LRRC28: variants seen among roughly 807,000 people sequenced by gnomAD.
LRRC28 encodes the protein leucine-rich repeat-containing protein 28.
In LRRC28, 39 loss-of-function variants were observed where a neutral mutation model predicts 45.7. That is an observed-to-expected ratio of 0.85 (90% CI 0.66 to 1.12). The LOEUF is 1.12. Ranked by LOEUF, LRRC28 falls within the 50% of genes most tolerant of loss-of-function variation. The pLI, the probability that LRRC28 is intolerant of heterozygous loss-of-function variation, is 0.00. For synonymous variants in LRRC28, 206 were observed against 178.8 expected (o/e 1.15, Z -1.22); for missense variants, 435 against 438.5 (o/e 0.99, Z 0.07).
chr15:99,383,417 G>C (rs1246712404), intron 9 of LRRC28, among the ~76,000 whole-genome samples: 1 of 152,198 alleles, frequency 6.6e-6, no homozygotes, highest in Non-Finnish European at 1.5e-5. Context: ...ATTTTGTCCA[G>C]AGTGTTTCAG....
intron 5 of LRRC28, among the ~76,000 whole-genome samples, chr15:99,312,485 A>G (rs1008418671): frequency 1.3e-5 from 2 of 152,216 alleles, no homozygotes; most frequent in East Asian, 1.9e-4. Flanking sequence ...TTCCTGCACT[A>G]TCTCCTGAAA....
intron 9 of LRRC28, among the ~76,000 whole-genome samples, chr15:99,368,437 T>C (rs1567703118): frequency 6.6e-6 from 1 of 152,194 alleles, no homozygotes; most frequent in Non-Finnish European, 1.5e-5. Flanking sequence ...ATTTTAAGGC[T>C]TAAGAATAAT....
intron 6 of LRRC28, among the ~76,000 whole-genome samples, chr15:99,337,309 T>C (rs1458550300): frequency 6.6e-6 from 1 of 152,226 alleles, no homozygotes; most frequent in Admixed American, 6.5e-5. Flanking sequence ...GGAGTGACGC[T>C]GTGTGTCATG....
intron 3 of LRRC28, chr15:99,285,210 A>G: frequency 1.4e-6 from 1 of 731,382 alleles, no homozygotes; most frequent in Non-Finnish European, 2.5e-6. Context: ...ACTGTTCAAA[A>G]TAATCTTAGG....
At chr15:99,351,983 G>A (rs1372999434) in intron 6 of LRRC28, among the ~76,000 whole-genome samples, 1 of 152,228 alleles carries the variant, frequency 6.6e-6, no homozygotes, top group African/African-American at 2.4e-5. Context: ...TGACCAAATA[G>A]AATTCTTGCT....
chr15:99,359,134 A>G (rs1237342233), intron 7 of LRRC28, among the ~76,000 whole-genome samples: 3 of 152,176 alleles, frequency 2.0e-5, no homozygotes, highest in African/African-American at 7.2e-5. Flanking sequence ...CTTTAGGATA[A>G]TATATGCACA....
intron 2 of LRRC28, chr15:99,259,399 A>G: frequency 6.4e-7 from 1 of 1,550,886 alleles, no homozygotes; most frequent in Non-Finnish European, 8.9e-7. Context: ...CCAAGGAAGG[A>G]GTGAAGTTTG....
At chr15:99,352,053 A>G (rs1387408454) in intron 6 of LRRC28, among the ~76,000 whole-genome samples, 2 of 152,204 alleles carry the variant, frequency 1.3e-5, no homozygotes, top group African/African-American at 2.4e-5. Context: ...ACCCAATCAG[A>G]TATCCCAAGT....
chr15:99,345,772 A>G (rs941855492), intron 6 of LRRC28, among the ~76,000 whole-genome samples: 2 of 152,204 alleles, frequency 1.3e-5, no homozygotes, highest in African/African-American at 4.8e-5. Context: ...AACATATTGT[A>G]TGGTGATTTA....
At chr15:99,298,567 T>C (rs2082323329) in intron 5 of LRRC28, among the ~76,000 whole-genome samples, 2 of 152,200 alleles carry the variant, frequency 1.3e-5, no homozygotes, top group African/African-American at 4.8e-5. Flanking sequence ...AAGCCTATAA[T>C]GAGTTCATAA....
chr15:99,274,068 A>T (rs12902590), intron 2 of LRRC28, among the ~76,000 whole-genome samples: 14,573 of 152,280 alleles, frequency 0.096, 989 homozygotes, highest in East Asian at 0.32. Context: ...ATGACTAGTT[A>T]TGATGGATCT....
intron 5 of LRRC28, among the ~76,000 whole-genome samples, chr15:99,316,491 G>A (rs35228696): frequency 1.4e-3 from 217 of 152,242 alleles, no homozygotes; most frequent in Non-Finnish European, 2.5e-3. Context: ...TAGGGAATAA[G>A]GAAAGTCATT....
At chr15:99,378,148 C>T (rs1375083652) in intron 9 of LRRC28, among the ~76,000 whole-genome samples, 1 of 152,168 alleles carries the variant, frequency 6.6e-6, no homozygotes, top group African/African-American at 2.4e-5. Context: ...TGGCCATTTT[C>T]ATGATATTGA....
chr15:99,357,989 A>T (rs1215903985), intron 7 of LRRC28, among the ~76,000 whole-genome samples: 10 of 152,184 alleles, frequency 6.6e-5, no homozygotes, highest in Admixed American at 6.5e-5. Context: ...AATAGACATT[A>T]TAAATACTGG....
chr15:99,302,091 A>G (rs2152245273), intron 5 of LRRC28, among the ~76,000 whole-genome samples: 1 of 150,240 alleles, frequency 6.7e-6, no homozygotes, highest in South Asian at 2.1e-4. Context: ...CAGAGGCGCG[A>G]TCTCAGCTCA....
chr15:99,268,402 G>A (rs2081386846), intron 2 of LRRC28, among the ~76,000 whole-genome samples: 1 of 152,148 alleles, frequency 6.6e-6, no homozygotes, highest in African/African-American at 2.4e-5. Flanking sequence ...AGAGGTGGCA[G>A]GGCTAGGGGT....
intron 6 of LRRC28, among the ~76,000 whole-genome samples, chr15:99,345,004 C>T (rs901954352): frequency 6.6e-6 from 1 of 152,192 alleles, no homozygotes; most frequent in Admixed American, 6.5e-5. Context: ...CCAAATATGT[C>T]ACTTACTAAT....
chr15:99,274,614 C>G (rs1263863275), intron 2 of LRRC28, among the ~76,000 whole-genome samples: 1 of 152,264 alleles, frequency 6.6e-6, no homozygotes, highest in South Asian at 2.1e-4. Context: ...AAGACACATG[C>G]TTATTTTTAA....
chr15:99,352,829 C>G (rs1348622928), intron 7 of LRRC28, among the ~76,000 whole-genome samples: 1 of 152,172 alleles, frequency 6.6e-6, no homozygotes, highest in Non-Finnish European at 1.5e-5. Context: ...CTCAGTGGTG[C>G]TAGTCACAGA....
Sources: allele counts gnomAD v4.1 joint callset (sites outside exome capture counted in the v4.1 genomes callset), GRCh38; gene constraint gnomAD v4.1.1; transcripts MANE v1.5; gene names NCBI Gene and HGNC (gene_info 2026-07-23, HGNC 2026-07-21).